The following CPNE4 variants were observed in gnomAD, a reference collection of about 807,000 sequenced individuals.
CPNE4 encodes the protein copine 4.
CPNE4 carries 25 observed loss-of-function variants against 67.9 expected under a neutral mutation model. The observed-to-expected ratio is 0.37, with a 90% confidence interval of 0.27 to 0.51. The LOEUF is 0.51. CPNE4 is among the 20% of genes least tolerant of loss of function. The pLI is 0.93. For synonymous variants in CPNE4, 242 were observed against 244.9 expected (o/e 0.99, Z 0.11); for missense variants, 464 against 690.8 (o/e 0.67, Z 3.68).
intron 6 of CPNE4, among the ~76,000 whole-genome samples, 197 bp downstream of exon 6, chr3:131,685,678 A>T (rs2080872022): frequency 6.6e-6 from 1 of 152,148 alleles, no homozygotes; most frequent in Non-Finnish European, 1.5e-5. Flanking sequence ...GCTACTCAGG[A>T]GGCTGAGGCA....
chr3:131,775,265 G>A (rs2083265177), intron 2 of CPNE4, among the ~76,000 whole-genome samples: 1 of 152,094 alleles, frequency 6.6e-6, no homozygotes, highest in Non-Finnish European at 1.5e-5. Flanking sequence ...TATTGTGACA[G>A]CCCAAAGCAT....
At chr3:132,029,783 G>A (rs2074198517) in intron 1 of CPNE4, among the ~76,000 whole-genome samples, 1 of 152,228 alleles carries the variant, frequency 6.6e-6, no homozygotes, top group African/African-American at 2.4e-5. Context: ...AGCCAAAGAT[G>A]TAAAAGCAAC....
intron 1 of CPNE4, among the ~76,000 whole-genome samples, chr3:132,002,934 G>C (rs2073494228): frequency 6.6e-6 from 1 of 152,080 alleles, no homozygotes; most frequent in Non-Finnish European, 1.5e-5. Context: ...CCTTAGATCA[G>C]CAGCCTCAGC....
At chr3:131,975,763 G>A (rs1223834816) in intron 1 of CPNE4, among the ~76,000 whole-genome samples, 2 of 152,058 alleles carry the variant, frequency 1.3e-5, no homozygotes, top group Non-Finnish European at 2.9e-5. Context: ...TTGTGTATTC[G>A]AATCATAAAC....
intron 5 of CPNE4, 72 bp from the exon 6 acceptor site, chr3:131,686,030 T>C: frequency 1.2e-6 from 1 of 830,682 alleles, no homozygotes; most frequent in South Asian, 1.6e-5. Context: ...TCAGGAATAT[T>C]TAATCAACAG....
At chr3:131,583,506 A>G (rs1937975435) in intron 8 of CPNE4, among the ~76,000 whole-genome samples, 1 of 152,192 alleles carries the variant, frequency 6.6e-6, no homozygotes, top group African/African-American at 2.4e-5. Context: ...GATTTCTATT[A>G]ATCTCAATTT....
At chr3:131,817,068 G>C (rs1227534173) in intron 2 of CPNE4, among the ~76,000 whole-genome samples, 2 of 152,126 alleles carry the variant, frequency 1.3e-5, no homozygotes, top group Non-Finnish European at 2.9e-5. Flanking sequence ...GCCTAATGTG[G>C]GCGTAAAGGG....
chr3:131,971,643 T>A (rs2072506428), intron 1 of CPNE4, among the ~76,000 whole-genome samples: 1 of 152,176 alleles, frequency 6.6e-6, no homozygotes, highest in South Asian at 2.1e-4. Context: ...ACTCTCTACC[T>A]TTGCTATATT....
At chr3:131,738,158 A>C (rs2082281591) in intron 2 of CPNE4, among the ~76,000 whole-genome samples, 4 of 152,252 alleles carry the variant, frequency 2.6e-5, no homozygotes, top group Admixed American at 6.5e-5. Flanking sequence ...TTTATTGGCC[A>C]CACTCTGTGG....
At chr3:131,775,919 C>T (rs1364404968) in intron 2 of CPNE4, among the ~76,000 whole-genome samples, 2 of 152,156 alleles carry the variant, frequency 1.3e-5, no homozygotes, top group Non-Finnish European at 2.9e-5. Context: ...GATAAAGGCA[C>T]AAGAAATGCA....
intron 2 of CPNE4, among the ~76,000 whole-genome samples, chr3:131,795,749 C>G (rs1029647197): frequency 6.6e-6 from 1 of 152,160 alleles, no homozygotes; most frequent in Non-Finnish European, 1.5e-5. Context: ...GAACATGGGT[C>G]CCCTGGAGAA....
chr3:131,689,893 A>G (rs1212123027), intron 5 of CPNE4, among the ~76,000 whole-genome samples: 1 of 152,174 alleles, frequency 6.6e-6, no homozygotes, highest in African/African-American at 2.4e-5. Context: ...AAAAATCAGT[A>G]GCATTTCTAT....
chr3:131,787,077 T>C (rs912355720), intron 2 of CPNE4, among the ~76,000 whole-genome samples: 25 of 152,158 alleles, frequency 1.6e-4, no homozygotes, highest in African/African-American at 4.6e-4. Context: ...TACTTGCTAA[T>C]TGATGCACCC....
chr3:131,566,188 A>AGG (rs1411990282), intron 10 of CPNE4, among the ~76,000 whole-genome samples: 2 of 151,894 alleles, frequency 1.3e-5, no homozygotes, highest in African/African-American at 4.8e-5. Context: ...GCCTGGAGGT[A>AGG]GGGAGACTTG....
intron 3 of CPNE4, among the ~76,000 whole-genome samples, chr3:131,712,150 C>T (rs1546311): frequency 0.17 from 26,375 of 152,186 alleles, 2,440 homozygotes; most frequent in African/African-American, 0.22. Context: ...TGTCTTACTC[C>T]TCCACCTGAG....
Position 131,976,104 on chromosome 3 carries a change from TG to T in CPNE4, c.-2+58462del, listed in dbSNP as rs2072646692. ...TGGTTTTTTTTTTTTTTTTAAAGAA[TG>T]CACTCTCATTCTTTTCTCCCTCCCT... On this transcript the variant is annotated intron_variant, in intron 1 of 15. Coordinates refer to ENST00000429747, the MANE Select transcript of CPNE4 (RefSeq NM_130808.3). Among the ~76,000 whole-genome samples the T allele has an allele frequency of 4.3e-5, 6 of 138,592 alleles. No individual in the cohort carries two copies. In the East Asian group the frequency reaches 1.3e-3, roughly 29 times the overall value. The allele number at this position is 138,592 out of a possible 152,430, so 90.9% of individuals were successfully genotyped here.
intron 7 of CPNE4, among the ~76,000 whole-genome samples, chr3:131,656,149 C>G (rs2079957883): frequency 6.8e-6 from 1 of 146,998 alleles, no homozygotes; most frequent in Non-Finnish European, 1.5e-5. Flanking sequence ...CTCTTCCCTT[C>G]CCTTCCTTTC....
chr3:131,772,708 G>A (rs925945391), intron 2 of CPNE4, among the ~76,000 whole-genome samples: 4 of 152,122 alleles, frequency 2.6e-5, no homozygotes, highest in South Asian at 2.1e-4. Context: ...AGATCTCACA[G>A]CATGTCATTT....
At chr3:132,031,636 G>C in intron 1 of CPNE4, among the ~76,000 whole-genome samples, 1 of 152,158 alleles carries the variant, frequency 6.6e-6, no homozygotes. Flanking sequence ...TAAATGAAAA[G>C]ATCCTTTCTT....
Sources: allele counts gnomAD v4.1 joint callset (sites outside exome capture counted in the v4.1 genomes callset), GRCh38; gene constraint gnomAD v4.1.1; transcripts MANE v1.5; gene names NCBI Gene and HGNC (gene_info 2026-07-23, HGNC 2026-07-21).